SYNPR: variants seen among roughly 807,000 people sequenced by gnomAD.
SYNPR encodes synaptoporin.
A neutral mutation model predicts 32.9 loss-of-function variants in SYNPR; 23 were observed. The observed-to-expected ratio is 0.70, with a 90% CI of 0.50 to 0.99. SYNPR has a LOEUF of 0.99. Ranked by LOEUF, SYNPR falls within the 50% of genes least tolerant of loss-of-function variation. The pLI is 0.00. For missense variants in SYNPR, 318 were observed against 349.3 expected (o/e 0.91, Z 0.71); for synonymous variants, 146 against 135.9 (o/e 1.07, Z -0.52).
intron 3 of SYNPR, among the ~76,000 whole-genome samples, chr3:63,538,074 G>A (rs1702240053): frequency 6.6e-6 from 1 of 152,006 alleles, no homozygotes; most frequent in South Asian, 2.1e-4. Flanking sequence ...TACCACTTAA[G>A]CACACTGTGG....
intron 2 of SYNPR, among the ~76,000 whole-genome samples, chr3:63,478,975 G>A (rs1160828379): frequency 1.3e-5 from 2 of 152,154 alleles, no homozygotes; most frequent in African/African-American, 2.4e-5. Flanking sequence ...TACAGGAAGA[G>A]AGCATTTGGT....
rs2088304457 is a variant in SYNPR, at chr3:63,402,394, C to T, written c.85-78438C>T. Among the ~76,000 whole-genome samples the T allele has an allele frequency of 2.0e-5, 3 of 152,278 alleles. No individual in the cohort carries two copies. In the South Asian group the frequency reaches 6.2e-4, roughly 32 times the overall value. On this transcript the variant is annotated intron_variant, in intron 2 of 5. Transcript: ENST00000478300. ...AACCACTGCTCTAAATGATAAAAAT[C>T]AGAGGATAGAAATTCAATATGAATT...
chr3:63,615,533 T>C lies in SYNPR; in HGVS notation c.*52T>C, dbSNP rs2106912744. On this transcript the variant is annotated 3_prime_UTR_variant, in exon 6 of 6. Transcript: ENST00000478300. ...GTCGCCTCACCATCTTCCATTTCAG[T>C]GGCAGAAGAATTTTTTAAGGGTTTC... 2 of 1,569,820 alleles carry C rather than the reference T, an allele frequency of 1.3e-6. No individual in the cohort carries two copies. Among genetic ancestry groups the C allele is most frequent in the East Asian group, 4.5e-5 (2 of 44,432 alleles).
chr3:63,237,218 C>T (rs2106877522), intron 1 of SYNPR, among the ~76,000 whole-genome samples: 1 of 151,276 alleles, frequency 6.6e-6, no homozygotes, highest in African/African-American at 2.4e-5. Context: ...CTTACAGGTC[C>T]CTGATATTCT....
intron 2 of SYNPR, among the ~76,000 whole-genome samples, chr3:63,330,903 A>G (rs1228824105): frequency 1.3e-5 from 2 of 152,136 alleles, no homozygotes; most frequent in Non-Finnish European, 2.9e-5. Flanking sequence ...GCCCCATTAG[A>G]TAAGGAAGAA....
intron 2 of SYNPR, among the ~76,000 whole-genome samples, chr3:63,406,546 C>G (rs533991299): frequency 6.6e-6 from 1 of 151,984 alleles, no homozygotes; most frequent in African/African-American, 2.4e-5. Context: ...CAGGCCAGAG[C>G]CGAGCCTGAC....
chr3:63,600,196 C>G (rs1458408495), intron 4 of SYNPR, among the ~76,000 whole-genome samples: 1 of 152,208 alleles, frequency 6.6e-6, no homozygotes, highest in African/African-American at 2.4e-5. Flanking sequence ...TTGGTAAGCA[C>G]TTAGCAGAGT....
intron 2 of SYNPR, among the ~76,000 whole-genome samples, chr3:63,424,164 C>T (rs963786050): frequency 6.6e-6 from 1 of 152,050 alleles, no homozygotes; most frequent in Non-Finnish European, 1.5e-5. Context: ...GTCAAATGTA[C>T]CCTAGTAATG....
chr3:63,304,235 C>T (rs1392741296), intron 2 of SYNPR, among the ~76,000 whole-genome samples: 2 of 151,842 alleles, frequency 1.3e-5, no homozygotes, highest in Non-Finnish European at 2.9e-5. Context: ...ATAGGGAAAG[C>T]ATTTGGAAAC....
chr3:63,286,517 T>C (rs2086684260), intron 2 of SYNPR, among the ~76,000 whole-genome samples: 1 of 150,884 alleles, frequency 6.6e-6, no homozygotes, highest in Admixed American at 6.6e-5. Flanking sequence ...GGAGTTATGC[T>C]GAAGTAGAAA....
At chr3:63,448,407 A>G (rs1412799328) in intron 2 of SYNPR, among the ~76,000 whole-genome samples, 1 of 152,234 alleles carries the variant, frequency 6.6e-6, no homozygotes, top group Non-Finnish European at 1.5e-5. Flanking sequence ...TTCTGGTAAA[A>G]TATGGCTTTC....
At chr3:63,400,599 C>A (rs2107100456) in intron 2 of SYNPR, among the ~76,000 whole-genome samples, 1 of 152,282 alleles carries the variant, frequency 6.6e-6, no homozygotes, top group Non-Finnish European at 1.5e-5. Context: ...GCCACAGTGC[C>A]TTTTTCGAGA....
chr3:63,602,939 T>C (rs1429606796), intron 4 of SYNPR, among the ~76,000 whole-genome samples: 2 of 152,232 alleles, frequency 1.3e-5, no homozygotes, highest in African/African-American at 4.8e-5. Flanking sequence ...TTGGGCAGTA[T>C]TGCTATTTTA....
chr3:63,583,752 T>A (rs1292412042), intron 4 of SYNPR, among the ~76,000 whole-genome samples: 1 of 152,170 alleles, frequency 6.6e-6, no homozygotes, highest in East Asian at 1.9e-4. Context: ...TTCCAACATA[T>A]GAATAGGATT....
At chr3:63,532,748 C>T (rs183321370) in intron 3 of SYNPR, among the ~76,000 whole-genome samples, 10 of 152,238 alleles carry the variant, frequency 6.6e-5, no homozygotes, top group Non-Finnish European at 1.0e-4. Context: ...AGGTCCCAGA[C>T]GCTTAGGCAC....
chr3:63,420,294 A>G (rs897437208), intron 2 of SYNPR, among the ~76,000 whole-genome samples: 1 of 152,202 alleles, frequency 6.6e-6, no homozygotes, highest in Non-Finnish European at 1.5e-5. Flanking sequence ...AAGAGAGGGC[A>G]ATGTTATAAT....
chr3:63,534,348 A>G (rs915531408), intron 3 of SYNPR, among the ~76,000 whole-genome samples: 5 of 152,208 alleles, frequency 3.3e-5, no homozygotes, highest in South Asian at 2.1e-4. Context: ...AGAAGAAAAA[A>G]TGAATAAACT....
At chr3:63,604,295 A>G (rs1047379333) in intron 4 of SYNPR, among the ~76,000 whole-genome samples, 8 of 152,130 alleles carry the variant, frequency 5.3e-5, no homozygotes, top group Admixed American at 1.3e-4. Context: ...CAAAAAACCA[A>G]CTTTAAGATT....
chr3:63,313,636 A>G (rs111890279), intron 2 of SYNPR, among the ~76,000 whole-genome samples: 30,654 of 92,800 alleles, frequency 0.33, 7,354 homozygotes, highest in Middle Eastern at 0.39. Context: ...ACACACAATG[A>G]AATACTACGC....
Sources: gnomAD v4.1 joint callset for allele counts (sites outside exome capture counted in the v4.1 genomes callset) on GRCh38, gnomAD v4.1.1 for gene constraint, MANE v1.5 for transcripts, NCBI Gene and HGNC (gene_info 2026-07-23, HGNC 2026-07-21) for gene names.